Variants in PRKDC observed in about 807,000 individuals in gnomAD.
PRKDC encodes DNA-dependent protein kinase catalytic subunit.
In PRKDC, 82 loss-of-function variants were observed where a neutral mutation model predicts 486.9. That is an observed-to-expected ratio of 0.17 (90% CI 0.14 to 0.20). PRKDC has a LOEUF of 0.20. PRKDC is among the 10% of genes least tolerant of loss of function. PRKDC has a pLI of 1.00. For missense variants in PRKDC, 4,504 were observed against 5,038.2 expected (o/e 0.89, Z 3.21); for synonymous variants, 1,895 against 1,837.0 (o/e 1.03, Z -0.81).
intron 21 of PRKDC, among the ~76,000 whole-genome samples, chr8:47,923,976 C>A (rs975897573): frequency 1.3e-5 from 2 of 152,158 alleles, no homozygotes; most frequent in Admixed American, 6.5e-5. Context: ...TTATTACACA[C>A]CAAACAATCA....
rs771401110 is a variant in PRKDC at position 47,777,726 on chromosome 8, G to A, written c.12002C>T (p.Thr4001Ile). 6 of 1,610,822 alleles carry A rather than the reference G, an allele frequency of 3.7e-6. No homozygotes were observed. In the East Asian group the frequency reaches 1.1e-4, roughly 30 times the overall value. ...FRSDPGLLTN[T>I]MDVFVKEPSF... ...GGGCTCCTTGACAAACACATCCATG[G>A]TGTTGGTGAGCAGGCCAGGGTCTGA... Residue 4001 changes from threonine to isoleucine, a missense_variant, in exon 84 of 86, where the codon ACC becomes ATC. By Grantham distance (89) the Thr-to-Ile change is moderately conservative (BLOSUM62 -1). Transcript: ENST00000314191.
At position 47,879,508 on chromosome 8, in the gene PRKDC, C is replaced by A. The variant is rs370379354; in HGVS notation, c.5218G>T (p.Val1740Leu). The A allele has an allele frequency of 1.2e-5, 19 of 1,590,752 alleles. No individual in the cohort carries two copies. The highest frequency in any genetic ancestry group is 1.5e-5 in the Non-Finnish European group (18 of 1,168,330). ...PPGTPRFNNY[V>L]DCMKKFLDAL... ...AAACTAACCTTTTTCATGCAGTCCA[C>A]ATAATTATTGAACCGCGGAGTTCCT... The change falls in exon 39 of 86, where the codon GTG becomes TTG. Residue 1740 changes from valine (V) to leucine (L), a missense_variant. This residue lies in a region of PRKDC where 1,969 missense variants were observed against 2,068.9 expected (regional missense o/e 0.95). Coordinates refer to ENST00000314191, the MANE Select transcript of PRKDC (RefSeq NM_006904.7).
chr8:47,891,221 G>A (rs1253272292), intron 31 of PRKDC, among the ~76,000 whole-genome samples: 1 of 152,110 alleles, frequency 6.6e-6, no homozygotes, highest in African/African-American at 2.4e-5. Context: ...AGAGTGCCAA[G>A]GGACAATTTA....
chr8:47,923,139 C>A (rs566093094), intron 21 of PRKDC, among the ~76,000 whole-genome samples: 2 of 151,758 alleles, frequency 1.3e-5, no homozygotes, highest in South Asian at 4.2e-4. Context: ...TCTCGGCTCA[C>A]TGCAACCTCT....
chr8:47,924,038 T>G (rs944801394), intron 21 of PRKDC, among the ~76,000 whole-genome samples: 1 of 152,220 alleles, frequency 6.6e-6, no homozygotes, highest in South Asian at 2.1e-4. Flanking sequence ...CTTATTTATA[T>G]CTGCACATGC....
chr8:47,783,695 A>C, intron 78 of PRKDC, 47 bp downstream of exon 78: 2 of 1,560,470 alleles, frequency 1.3e-6, no homozygotes, highest in Non-Finnish European at 1.8e-6. Context: ...TCTCATCTGA[A>C]GAACGTTCAT....
chr8:47,948,003 A>G (rs1204789378), intron 7 of PRKDC, among the ~76,000 whole-genome samples: 1 of 151,808 alleles, frequency 6.6e-6, no homozygotes, highest in Non-Finnish European at 1.5e-5. Context: ...GCATCATTTG[A>G]GCCCAGGAGG....
At chr8:47,929,766 G>A in intron 18 of PRKDC, 87 bp downstream of exon 18, 1 of 1,341,646 alleles carries the variant, frequency 7.5e-7, no homozygotes, top group Non-Finnish European at 1.0e-6. Flanking sequence ...AAACTGCATA[G>A]GCCACAATCA....
chr8:47,887,601 A>C lies in PRKDC; in HGVS notation c.4518T>G (p.Ser1506Arg). 1.2e-6 allele frequency: 2 copies of C among 1,601,026 alleles called. No individual in the cohort carries two copies. Among genetic ancestry groups the C allele is most frequent in the Non-Finnish European group, 1.7e-6 (2 of 1,173,692 alleles). ...GAAGTCCGCTGGCCAGCTGCTTACAACTGAGGTCTAGAGAAGGCAGACACT... is the reference window on the plus strand; with the variant it reads ...GAAGTCCGCTGGCCAGCTGCTTACACCTGAGGTCTAGAGAAGGCAGACACT... The part of the protein sequence containing the change: ...ERQCLPSLDL[S>R]CKQLASGLLE... Residue 1506 changes from serine (S) to arginine (R), a missense_variant, in exon 35 of 86, where the codon AGT becomes AGG. Ser to Arg is a moderately radical substitution (Grantham distance 110). This residue lies in a region of PRKDC where 1,969 missense variants were observed against 2,068.9 expected (regional missense o/e 0.95). Transcript: ENST00000314191.
intron 34 of PRKDC, among the ~76,000 whole-genome samples, chr8:47,888,125 A>T (rs2089376349): frequency 6.6e-6 from 1 of 151,966 alleles, no homozygotes; most frequent in Non-Finnish European, 1.5e-5. Flanking sequence ...CAATCCTCCT[A>T]TCTGAGCCTC....
intron 21 of PRKDC, among the ~76,000 whole-genome samples, chr8:47,923,256 G>A (rs1326398554): frequency 2.0e-5 from 3 of 151,766 alleles, no homozygotes; most frequent in African/African-American, 2.4e-5. Context: ...GTAGAGACAC[G>A]GTTTCACCAT....
chr8:47,950,614 G>A (rs2090611883), intron 7 of PRKDC, among the ~76,000 whole-genome samples: 1 of 145,236 alleles, frequency 6.9e-6, no homozygotes, highest in Admixed American at 6.9e-5. Flanking sequence ...GGGCGACAGA[G>A]CAAGACTCCG....
At chr8:47,870,375 T>C (rs1036909292) in intron 40 of PRKDC, among the ~76,000 whole-genome samples, 4 of 152,068 alleles carry the variant, frequency 2.6e-5, no homozygotes, top group Non-Finnish European at 5.9e-5. Flanking sequence ...GAAAAGTAAG[T>C]AAAGGAAACA....
rs1350039295 is a variant in PRKDC, at chr8:47,923,295, C to A, written c.2419+3899G>T. ...TGCCAGGCTGGTCTCAAACTCCTGA[C>A]CTCAGGTGATCCACCCAAGTTATGG... On this transcript the variant is annotated intron_variant, in intron 21 of 85. Coordinates refer to ENST00000314191, the MANE Select transcript of PRKDC (RefSeq NM_006904.7). Among the ~76,000 whole-genome samples the A allele has an allele frequency of 2.6e-5, 4 of 152,214 alleles. No homozygotes were observed. The East Asian group carries it at 7.7e-4, about 29-fold the overall frequency.
intron 56 of PRKDC, 61 bp downstream of exon 56, chr8:47,839,087 A>G: frequency 2.3e-6 from 3 of 1,308,448 alleles, no homozygotes; most frequent in East Asian, 4.6e-5. Context: ...AAAATACTCT[A>G]TGCTACCTTT....
At chr8:47,940,865 C>T (rs890026964) in intron 10 of PRKDC, among the ~76,000 whole-genome samples, 2 of 152,110 alleles carry the variant, frequency 1.3e-5, no homozygotes, top group African/African-American at 4.8e-5. Context: ...AGATGTTGGC[C>T]GGGCGCAGTA....
intron 40 of PRKDC, among the ~76,000 whole-genome samples, chr8:47,874,552 C>CT (rs1273557648): frequency 2.6e-5 from 4 of 151,986 alleles, no homozygotes; most frequent in Non-Finnish European, 5.9e-5. Flanking sequence ...GAGCTCAGGA[C>CT]TTTGAGACCA....
At chr8:47,802,097 T>G (rs2087119886) in intron 70 of PRKDC, among the ~76,000 whole-genome samples, 1 of 152,180 alleles carries the variant, frequency 6.6e-6, no homozygotes, top group Admixed American at 6.5e-5. Flanking sequence ...AGGGTCTCAC[T>G]ACACTGCCCA....
At chr8:47,780,811 G>A (rs1343033580) in intron 80 of PRKDC, among the ~76,000 whole-genome samples, 4 of 152,094 alleles carry the variant, frequency 2.6e-5, no homozygotes, top group African/African-American at 7.2e-5. Flanking sequence ...GGTGGTGCAC[G>A]CCTGTAATCT....
Sources: gnomAD v4.1 joint callset for allele counts (sites outside exome capture counted in the v4.1 genomes callset) on GRCh38, gnomAD v4.1.1 for gene constraint, gnomAD v4.1.1 regional missense constraint, MANE v1.5 for transcripts, NCBI Gene and HGNC (gene_info 2026-07-23, HGNC 2026-07-21) for gene names.